NRXN1: variants seen among roughly 807,000 people sequenced by gnomAD.
The protein encoded by NRXN1 is neurexin 1.
A neutral mutation model predicts 150.9 loss-of-function variants in NRXN1; 39 were observed. The observed-to-expected ratio is 0.26, with a 90% CI of 0.20 to 0.34. The LOEUF (loss-of-function observed/expected upper bound fraction) is 0.34. Among genes scored for constraint, NRXN1 ranks in the 10% least tolerant of loss-of-function variants. The probability of loss-of-function intolerance (pLI) is 1.00; values close to 1 mark genes in which losing one functional copy is unlikely to be tolerated. For missense variants in NRXN1, 1,815 were observed against 1,949.9 expected (o/e 0.93, Z 1.30); for synonymous variants, 924 against 757.0 (o/e 1.22, Z -3.62).
intron 5 of NRXN1, among the ~76,000 whole-genome samples, chr2:50,708,105 C>T (rs972233451): frequency 2.0e-5 from 3 of 152,072 alleles, no homozygotes; most frequent in South Asian, 2.1e-4. Flanking sequence ...AAGAAAATTA[C>T]GAGTTCCTAA....
At chr2:49,959,649 T>C (rs1324892190) in intron 21 of NRXN1, among the ~76,000 whole-genome samples, 1 of 152,210 alleles carries the variant, frequency 6.6e-6, no homozygotes, top group Non-Finnish European at 1.5e-5. Flanking sequence ...CTCTCATTTG[T>C]AAATGGGAGG....
chr2:50,568,342 C>G (rs1670173482), intron 8 of NRXN1, among the ~76,000 whole-genome samples: 1 of 152,098 alleles, frequency 6.6e-6, no homozygotes, highest in African/African-American at 2.4e-5. Flanking sequence ...AAACAATAAA[C>G]AAAGTGAAGA....
At chr2:50,507,479 C>T (rs149957886) in intron 12 of NRXN1, among the ~76,000 whole-genome samples, 8 of 151,862 alleles carry the variant, frequency 5.3e-5, no homozygotes, top group Non-Finnish European at 1.0e-4. Context: ...CAGTGGGCAT[C>T]GAGTGGGCAA....
intron 17 of NRXN1, among the ~76,000 whole-genome samples, chr2:50,429,095 T>C (rs1237069933): frequency 6.6e-6 from 1 of 152,178 alleles, no homozygotes; most frequent in African/African-American, 2.4e-5. Flanking sequence ...TTAAAATTCC[T>C]TATTTTATAT....
At chr2:50,119,445 T>C (rs1485551968) in intron 18 of NRXN1, among the ~76,000 whole-genome samples, 7 of 152,070 alleles carry the variant, frequency 4.6e-5, no homozygotes, top group Admixed American at 4.6e-4. Context: ...AAATTGCAAG[T>C]TTTCCTTTGT....
At chr2:50,703,846 T>C (rs766219099) in intron 5 of NRXN1, among the ~76,000 whole-genome samples, 4 of 152,088 alleles carry the variant, frequency 2.6e-5, no homozygotes, top group African/African-American at 7.2e-5. Flanking sequence ...GGTTAGAAAA[T>C]TGAAACAGAC....
chr2:50,639,471 T>C (rs1363471400), intron 5 of NRXN1, among the ~76,000 whole-genome samples: 5 of 152,010 alleles, frequency 3.3e-5, no homozygotes, highest in Non-Finnish European at 7.3e-5. Flanking sequence ...TCTGCCTGTC[T>C]CAGCCTCCCA....
At chr2:50,853,300 G>C (rs148204569) in intron 5 of NRXN1, among the ~76,000 whole-genome samples, 114 of 152,188 alleles carry the variant, frequency 7.5e-4, no homozygotes, top group African/African-American at 2.7e-3. Flanking sequence ...ATCTGCATGA[G>C]AGCACAGTAA....
intron 5 of NRXN1, among the ~76,000 whole-genome samples, chr2:50,738,585 CT>C (rs1349282811): frequency 6.6e-6 from 1 of 152,162 alleles, no homozygotes; most frequent in African/African-American, 2.4e-5. Context: ...TGCATGAGTT[CT>C]TTTGTGGAAA....
chr2:50,452,480 C>A (rs1371120087), intron 17 of NRXN1, among the ~76,000 whole-genome samples: 1 of 152,134 alleles, frequency 6.6e-6, no homozygotes, highest in Non-Finnish European at 1.5e-5. Context: ...AAGTGACTTG[C>A]TCAAGGCCAC....
At chr2:50,991,521 C>T (rs1351628736) in intron 2 of NRXN1, among the ~76,000 whole-genome samples, 1 of 152,004 alleles carries the variant, frequency 6.6e-6, no homozygotes, top group Non-Finnish European at 1.5e-5. Context: ...AAATGCTCAA[C>T]AGTTCAGGTT....
intron 17 of NRXN1, among the ~76,000 whole-genome samples, chr2:50,251,001 T>G (rs77771770): frequency 0.09 from 10,884 of 120,896 alleles, 493 homozygotes; most frequent in Middle Eastern, 0.16. Flanking sequence ...TATTACACAT[T>G]GCATATGTGT....
At chr2:50,167,408 CG>C (rs2059755817) in intron 18 of NRXN1, among the ~76,000 whole-genome samples, 1 of 152,038 alleles carries the variant, frequency 6.6e-6, no homozygotes, top group African/African-American at 2.4e-5. Context: ...GCCTCCCCCC[CG>C]CCTGTTAATT....
intron 17 of NRXN1, among the ~76,000 whole-genome samples, chr2:50,423,577 AT>A: frequency 6.6e-6 from 1 of 152,218 alleles, no homozygotes; most frequent in Admixed American, 6.5e-5. Flanking sequence ...CGAGATATTA[AT>A]TTTTTTCATA....
rs552864380 is a variant in NRXN1, at chr2:50,049,729, G to A, written c.4128+3542C>T. Among the ~76,000 whole-genome samples the A allele has an allele frequency of 3.9e-5, 6 of 152,140 alleles. No homozygotes were observed. The South Asian group carries it at 1.2e-3, about 32-fold the overall frequency. ...AGGAAGTGTTGTCCTCTTCATGTTG[G>A]CTTACATGTACTCATCTCATAAGAC... On this transcript the variant is annotated intron_variant, in intron 21 of 22. Coordinates refer to ENST00000401669, the MANE Select transcript of NRXN1 (RefSeq NM_001330078.2).
intron 18 of NRXN1, among the ~76,000 whole-genome samples, chr2:50,222,736 T>C (rs11903624): frequency 0.14 from 20,657 of 151,744 alleles, 1,574 homozygotes; most frequent in African/African-American, 0.2. Flanking sequence ...ATATATTAAA[T>C]AAAAATACTC....
At chr2:49,923,069 C>CAAAGT (rs1409334586) in intron 22 of NRXN1, among the ~76,000 whole-genome samples, 1 of 152,088 alleles carries the variant, frequency 6.6e-6, no homozygotes, top group Non-Finnish European at 1.5e-5. Context: ...TCAGTCTTCC[C>CAAAGT]AAAGTATAAA....
intron 22 of NRXN1, among the ~76,000 whole-genome samples, chr2:49,932,051 G>T (rs1249583863): frequency 1.3e-5 from 2 of 151,676 alleles, no homozygotes; most frequent in Non-Finnish European, 2.9e-5. Context: ...GTAATGAGGA[G>T]TATGTGTGTG....
At chr2:49,962,009 G>C (rs553526766) in intron 21 of NRXN1, among the ~76,000 whole-genome samples, 1 of 152,124 alleles carries the variant, frequency 6.6e-6, no homozygotes, top group Non-Finnish European at 1.5e-5. Flanking sequence ...GGAGGAGGCC[G>C]AGGCAGGAGG....
Sources: gnomAD v4.1 joint callset for allele counts (sites outside exome capture counted in the v4.1 genomes callset) on GRCh38, gnomAD v4.1.1 for gene constraint, MANE v1.5 for transcripts, NCBI Gene and HGNC (gene_info 2026-07-23, HGNC 2026-07-21) for gene names.